WDR72: variants seen among roughly 807,000 people sequenced by gnomAD.
WDR72 encodes WD repeat domain 72, also known as WD repeat-containing protein 72.
WDR72 carries 120 observed loss-of-function variants against 124.2 expected under a neutral mutation model. That is an observed-to-expected ratio of 0.97 (90% CI 0.83 to 1.12). The LOEUF (loss-of-function observed/expected upper bound fraction) is 1.12. Ranked by LOEUF, WDR72 falls within the 50% of genes most tolerant of loss-of-function variation. WDR72 has a pLI of 0.00. For synonymous variants in WDR72, 452 were observed against 441.7 expected (o/e 1.02, Z -0.29); for missense variants, 1,387 against 1,278.8 (o/e 1.08, Z -1.29).
intron 13 of WDR72, among the ~76,000 whole-genome samples, chr15:53,680,903 A>G (rs1397664723): frequency 1.3e-5 from 2 of 152,236 alleles, no homozygotes; most frequent in Admixed American, 6.5e-5. Context: ...CCTGGGATGC[A>G]CTGACAAGGC....
chr15:53,686,166 C>A (rs373286459), intron 13 of WDR72, among the ~76,000 whole-genome samples: 4 of 145,828 alleles, frequency 2.7e-5, no homozygotes, highest in East Asian at 2.1e-4. Flanking sequence ...TGAGCAAAAT[C>A]ACCAGCTAAC....
chr15:53,597,324 T>C (rs1471190763), intron 17 of WDR72, 50 bp from the exon 18 acceptor site: 24 of 1,575,510 alleles, frequency 1.5e-5, no homozygotes, highest in South Asian at 2.3e-5. Context: ...TTACAAATGC[T>C]TGGGTATGTT....
intron 16 of WDR72, among the ~76,000 whole-genome samples, chr15:53,610,876 T>A (rs2140360105): frequency 6.6e-6 from 1 of 152,262 alleles, no homozygotes; most frequent in East Asian, 1.9e-4. Flanking sequence ...TCCCACTTTG[T>A]GGACCTTGTG....
intron 18 of WDR72, among the ~76,000 whole-genome samples, chr15:53,546,872 C>A (rs1346201915): frequency 2.0e-5 from 3 of 151,994 alleles, no homozygotes; most frequent in Admixed American, 2.0e-4. Flanking sequence ...TCAGTCTATA[C>A]AAATTAGTTT....
intron 3 of WDR72, among the ~76,000 whole-genome samples, chr15:53,720,757 T>C (rs2017855210): frequency 6.6e-6 from 1 of 152,216 alleles, no homozygotes; most frequent in Non-Finnish European, 1.5e-5. Flanking sequence ...TCTTTTTCTT[T>C]GGCATTCTGT....
rs1276835181 is a variant in WDR72, at chr15:53,716,587, A to C, written c.339+20T>G. On this transcript the variant is annotated intron_variant, in intron 4 of 19. Coordinates refer to ENST00000360509, the MANE Select transcript of WDR72 (RefSeq NM_182758.4). ...AGTTGCAGAATCTAGAAATGCCCTG[A>C]AGGAAGTGAGTGTACTTACACAGAT... is the stretch of plus-strand genomic sequence containing the variant. 1.3e-6 allele frequency: 2 copies of C among 1,524,190 alleles called. No individual in the cohort carries two copies. Among genetic ancestry groups the C allele is most frequent in the South Asian group, 2.2e-5 (2 of 89,178 alleles). 94.4% of individuals were successfully genotyped at this position (1,524,190 alleles called of 1,614,324 possible). A position where few individuals can be genotyped will look rare whatever the true frequency, so the allele number is the denominator to read the frequency against.
chr15:53,581,410 A>C lies in WDR72; in HGVS notation c.3148+15669T>G, dbSNP rs140923442. On this transcript the variant is annotated intron_variant, in intron 18 of 19. Coordinates refer to ENST00000360509, the MANE Select transcript of WDR72 (RefSeq NM_182758.4). ...TAAATTATTGGAAAATTAAACAATTAAGGTAAGAGTTTTCTCTGTTTTGCC... is the reference window on the plus strand; with the variant it reads ...TAAATTATTGGAAAATTAAACAATTCAGGTAAGAGTTTTCTCTGTTTTGCC... Among the ~76,000 whole-genome samples the C allele has an allele frequency of 2.2e-4, 33 of 152,200 alleles. 1 individual carries two copies. The East Asian group carries it at 6.4e-3, about 29-fold the overall frequency.
At chr15:53,705,819 A>G (rs2017336227) in intron 10 of WDR72, 108 bp downstream of exon 10, 4 of 1,342,988 alleles carry the variant, frequency 3.0e-6, no homozygotes, top group South Asian at 1.2e-5. Context: ...GTAGTACACA[A>G]TAAATTTTTC....
At chr15:53,714,407 A>G in intron 6 of WDR72, 27 bp downstream of exon 6, 1 of 1,583,068 alleles carries the variant, frequency 6.3e-7, no homozygotes, top group South Asian at 1.1e-5. Flanking sequence ...AATTGTAAGG[A>G]AAAAAGAGTA....
At position 53,545,849 on chromosome 15, in the gene WDR72, C is replaced by T. The variant is rs200557799; in HGVS notation, c.3149-22527G>A. Among the ~76,000 whole-genome samples, 211 of 126,842 alleles carry T rather than the reference C, an allele frequency of 1.7e-3. 3 individuals are homozygous for T. The highest frequency in any genetic ancestry group is 6.1e-3 in the African/African-American group (198 of 32,284). The allele number at this position is 126,842 out of a possible 152,430, so 83.2% of individuals were successfully genotyped here. ...ACAAACAACCCCATCAAAAAGTGGG[C>T]GAAGGACATGAACAGACACTTCTCA... is the stretch of plus-strand genomic sequence containing the variant. On this transcript the variant is annotated intron_variant, in intron 18 of 19. Coordinates refer to ENST00000360509, the MANE Select transcript of WDR72 (RefSeq NM_182758.4).
intron 17 of WDR72, among the ~76,000 whole-genome samples, chr15:53,603,915 T>G (rs1415472184): frequency 6.6e-6 from 1 of 152,044 alleles, no homozygotes; most frequent in Non-Finnish European, 1.5e-5. Flanking sequence ...GCCTAGCAAT[T>G]CACAGTTTCA....
At chr15:53,748,849 TTTCTC>T (rs1216123472) in intron 1 of WDR72, among the ~76,000 whole-genome samples, 1 of 152,250 alleles carries the variant, frequency 6.6e-6, no homozygotes, top group Non-Finnish European at 1.5e-5. Flanking sequence ...CTTCAACTGA[TTTCTC>T]TTCTTTGGTC....
chr15:53,609,416 G>C, intron 17 of WDR72, 97 bp downstream of exon 17: 1 of 1,066,984 alleles, frequency 9.4e-7, no homozygotes, highest in Non-Finnish European at 1.4e-6. Context: ...ATGAGGACAA[G>C]AGTAACTGCT....
chr15:53,630,122 A>C (rs911291329), intron 14 of WDR72, among the ~76,000 whole-genome samples: 30 of 152,188 alleles, frequency 2.0e-4, no homozygotes, highest in African/African-American at 6.3e-4. Flanking sequence ...GAAATGGACA[A>C]ATTTTTAAAA....
intron 13 of WDR72, among the ~76,000 whole-genome samples, chr15:53,673,918 G>A (rs574373): frequency 0.068 from 10,342 of 152,112 alleles, 1,199 homozygotes; most frequent in African/African-American, 0.24. Flanking sequence ...TTGAACCCGG[G>A]AGGCGGAGGT....
chr15:53,755,155 T>C (rs770101790), intron 1 of WDR72, among the ~76,000 whole-genome samples: 72 of 152,298 alleles, frequency 4.7e-4, no homozygotes, highest in Non-Finnish European at 9.4e-4. Context: ...AGAGAGTTGC[T>C]CTAACTTGGT....
chr15:53,642,816 T>C (rs961189586), intron 14 of WDR72, among the ~76,000 whole-genome samples: 1 of 152,106 alleles, frequency 6.6e-6, no homozygotes, highest in Non-Finnish European at 1.5e-5. Flanking sequence ...TGAATACCCA[T>C]AACCACATAA....
chr15:53,665,842 T>C (rs2015760765), intron 13 of WDR72, 74 bp from the exon 14 acceptor site: 2 of 1,420,678 alleles, frequency 1.4e-6, no homozygotes, highest in Non-Finnish European at 2.0e-6. Context: ...ACAAACACTC[T>C]TTAGCAGAAG....
At chr15:53,573,689 G>A (rs1235096715) in intron 18 of WDR72, among the ~76,000 whole-genome samples, 1 of 152,056 alleles carries the variant, frequency 6.6e-6, no homozygotes. Flanking sequence ...GGGACTATAG[G>A]CGTGCACCAC....
Sources: gnomAD v4.1 joint callset for allele counts (sites outside exome capture counted in the v4.1 genomes callset) on GRCh38, gnomAD v4.1.1 for gene constraint, MANE v1.5 for transcripts, NCBI Gene and HGNC (gene_info 2026-07-23, HGNC 2026-07-21) for gene names.